Variants in KPNA4 observed in about 807,000 individuals in gnomAD.
KPNA4 encodes the protein karyopherin subunit alpha 4.
Under a neutral mutation model 71.3 loss-of-function variants are expected in KPNA4, and 13 were observed. The ratio of observed to expected loss-of-function variants is 0.18; its 90% CI spans 0.12 to 0.29. The LOEUF is 0.29. Among genes scored for constraint, KPNA4 ranks in the 10% least tolerant of loss-of-function variants. The pLI is 1.00. For missense variants in KPNA4, 334 were observed against 603.2 expected, an observed-to-expected ratio of 0.55 and a Z score of 4.67; for synonymous variants, 189 against 195.2, an observed-to-expected ratio of 0.97 and a Z score of 0.26.
At chr3:160,522,008 T>C in intron 10 of KPNA4, 98 bp from the exon 11 acceptor site, 1 of 941,354 alleles carries the variant, frequency 1.1e-6, no homozygotes. Flanking sequence ...AACTACCTTC[T>C]TCCTTCTTTT....
At position 160,500,644 on chromosome 3, in the gene KPNA4, C is replaced by G. The variant is rs1366712327; in HGVS notation, c.*1460G>C. ...AACTTTTATGCAAGTTTTAAAAATA[C>G]AAAGTTTTCTCCCTAAAGTGGCTCA... is the stretch of plus-strand genomic sequence containing the variant. On this transcript the variant is annotated 3_prime_UTR_variant, in exon 17 of 17. Coordinates refer to ENST00000334256, the MANE Select transcript of KPNA4 (RefSeq NM_002268.5). 2 of 152,494 alleles carry G rather than the reference C, an allele frequency of 1.3e-5. No homozygotes were observed. Among genetic ancestry groups the G allele is most frequent in the African/African-American group, 4.8e-5 (2 of 41,412 alleles). The allele number at this position is 152,494 out of a possible 1,614,324, so 9.4% of individuals were successfully genotyped here. A position where few individuals can be genotyped will look rare whatever the true frequency, so the allele number is the denominator to read the frequency against.
At position 160,535,551 on chromosome 3, in the gene KPNA4, A is replaced by G. The variant is rs759828088; in HGVS notation, c.249T>C (p.Asp83=). 4 of 1,601,352 alleles carry G rather than the reference A, an allele frequency of 2.5e-6. No homozygotes were observed. In the Admixed American group the frequency reaches 6.8e-5, roughly 27 times the overall value. The change falls in exon 5 of 17, where the codon GAT becomes GAC. Residue 83 remains aspartate, a synonymous_variant. Transcript: ENST00000334256. ...LEAIVQNASS[D]NQGIQLSAVQ... ...CTGCACTTAATTGAATTCCTTGGTT[A>G]TCACTTGAAGCATTCTATAAAAAAT...
rs958347446 is a variant in KPNA4 at position 160,495,812 on chromosome 3, T to G, written c.*6292A>C. ...TAGAATACATGATGTTTTATGCAGCTGAACAGGACAACCCTGAAAAGACAA... is the reference window on the plus strand; with the variant it reads ...TAGAATACATGATGTTTTATGCAGCGGAACAGGACAACCCTGAAAAGACAA... On this transcript the variant is annotated 3_prime_UTR_variant, in exon 17 of 17. Transcript: ENST00000334256. 10 of 151,720 alleles carry G rather than the reference T, an allele frequency of 6.6e-5. No homozygotes were observed. Among genetic ancestry groups the G allele is most frequent in the African/African-American group, 2.2e-4 (9 of 41,244 alleles). 9.4% of individuals were successfully genotyped at this position (151,720 alleles called of 1,614,324 possible). A position where few individuals can be genotyped will look rare whatever the true frequency, so the allele number is the denominator to read the frequency against.
At chr3:160,542,823 A>G (rs983714741) in intron 1 of KPNA4, among the ~76,000 whole-genome samples, 1 of 152,180 alleles carries the variant, frequency 6.6e-6, no homozygotes, top group Non-Finnish European at 1.5e-5. Context: ...AAGCTATTGG[A>G]GCAATATTAA....
At chr3:160,506,771 A>AT (rs1442285727) in intron 15 of KPNA4, among the ~76,000 whole-genome samples, 1 of 152,218 alleles carries the variant, frequency 6.6e-6, no homozygotes, top group Non-Finnish European at 1.5e-5. Context: ...TTGTTACTTA[A>AT]TCCCTAATTA....
intron 15 of KPNA4, among the ~76,000 whole-genome samples, chr3:160,506,668 A>T (rs963597874): frequency 2.0e-5 from 3 of 152,188 alleles, no homozygotes; most frequent in Non-Finnish European, 2.9e-5. Flanking sequence ...TTACATTTTT[A>T]CTTGAATGTA....
intron 1 of KPNA4, among the ~76,000 whole-genome samples, chr3:160,554,178 A>G (rs1420686021): frequency 6.6e-6 from 1 of 152,198 alleles, no homozygotes; most frequent in African/African-American, 2.4e-5. Flanking sequence ...TACGTTTTCT[A>G]TTGTTGTTTT....
At position 160,498,227 on chromosome 3, in the gene KPNA4, C is replaced by G. The variant is rs911763577; in HGVS notation, c.*3877G>C. 8.5e-5 allele frequency: 13 copies of G among 152,132 alleles called. No individual in the cohort carries two copies. The highest frequency in any genetic ancestry group is 3.1e-4 in the African/African-American group (13 of 41,418). 9.4% of individuals were successfully genotyped at this position (152,132 alleles called of 1,614,324 possible). ...TATGAAAAACTACCATGTATATACA[C>G]TTTTTGGGGAAGCTGGTCCAGTTTT... On this transcript the variant is annotated 3_prime_UTR_variant, in exon 17 of 17. Coordinates refer to ENST00000334256, the MANE Select transcript of KPNA4 (RefSeq NM_002268.5).
chr3:160,523,725 T>A (rs1384626657), intron 10 of KPNA4, among the ~76,000 whole-genome samples: 1 of 151,830 alleles, frequency 6.6e-6, no homozygotes, highest in Admixed American at 6.6e-5. Flanking sequence ...GTGGCGGGCA[T>A]CTGTAAACCC....
At chr3:160,526,147 T>A (rs757455946) in intron 8 of KPNA4, 40 bp from the exon 9 acceptor site, 1 of 1,394,056 alleles carries the variant, frequency 7.2e-7, no homozygotes, top group African/African-American at 1.5e-5. Context: ...TAAAACATAC[T>A]GACAGTAAGC....
chr3:160,542,613 C>G (rs1721821596), intron 1 of KPNA4, among the ~76,000 whole-genome samples: 1 of 152,114 alleles, frequency 6.6e-6, no homozygotes, highest in Non-Finnish European at 1.5e-5. Flanking sequence ...AATTTTCAAT[C>G]TGTAGATTTA....
intron 12 of KPNA4, chr3:160,515,179 T>C: frequency 1.9e-6 from 1 of 539,656 alleles, no homozygotes; most frequent in Non-Finnish European, 3.6e-6. Flanking sequence ...ATATACATAT[T>C]AAAAATTTCC....
At chr3:160,524,673 A>G (rs1242973925) in intron 10 of KPNA4, among the ~76,000 whole-genome samples, 4 of 152,166 alleles carry the variant, frequency 2.6e-5, no homozygotes, top group Non-Finnish European at 5.9e-5. Flanking sequence ...CAAAATATTG[A>G]AATTCACAAT....
chr3:160,499,859 G>A lies in KPNA4; in HGVS notation c.*2245C>T, dbSNP rs979855354. The stretch of plus-strand genomic sequence containing the variant: ...TGCTTTGTATACAATCCATCATTTG[G>A]AGCTATATGTTGAAGATATAGCAAT... On this transcript the variant is annotated 3_prime_UTR_variant, in exon 17 of 17. Transcript: ENST00000334256. The A allele has an allele frequency of 2.0e-5, 3 of 151,772 alleles. No homozygotes were observed. Among genetic ancestry groups the A allele is most frequent in the Non-Finnish European group, 4.4e-5 (3 of 67,924 alleles). The allele number at this position is 151,772 out of a possible 1,614,324, so 9.4% of individuals were successfully genotyped here.
At chr3:160,556,111 G>A (rs1722131296) in intron 1 of KPNA4, among the ~76,000 whole-genome samples, 1 of 152,258 alleles carries the variant, frequency 6.6e-6, no homozygotes, top group Non-Finnish European at 1.5e-5. Context: ...TGGGATTACA[G>A]GCGTGAGCCA....
intron 3 of KPNA4, 55 bp downstream of exon 3, chr3:160,535,753 T>G: frequency 6.4e-7 from 1 of 1,566,420 alleles, no homozygotes; most frequent in Non-Finnish European, 8.6e-7. Context: ...CTTATTAATG[T>G]GAAATCTTTC....
chr3:160,517,269 G>C (rs1306573994), intron 11 of KPNA4, among the ~76,000 whole-genome samples: 1 of 151,980 alleles, frequency 6.6e-6, no homozygotes, highest in Non-Finnish European at 1.5e-5. Flanking sequence ...GTTGTTAAAA[G>C]TTCGTGTTAC....
At chr3:160,561,472 T>C (rs543499946) in intron 1 of KPNA4, among the ~76,000 whole-genome samples, 1 of 152,178 alleles carries the variant, frequency 6.6e-6, no homozygotes, top group East Asian at 1.9e-4. Flanking sequence ...ATGGTGAATA[T>C]CATCTGATAG....
rs547751988 is a variant in KPNA4, at chr3:160,497,404, T to G, written c.*4700A>C. On this transcript the variant is annotated 3_prime_UTR_variant, in exon 17 of 17. Transcript: ENST00000334256. Reference sequence around the variant, plus strand: ...TCCAGCCTGGGCCACAGAGCGAGACTGTGTCTCAAAAAAATAAAAATAGAA... The same window carrying G: ...TCCAGCCTGGGCCACAGAGCGAGACGGTGTCTCAAAAAAATAAAAATAGAA... The G allele has an allele frequency of 6.6e-6, 1 of 152,172 alleles. No individual in the cohort carries two copies. Among genetic ancestry groups the G allele is most frequent in the Non-Finnish European group, 1.5e-5 (1 of 68,032 alleles). The allele number at this position is 152,172 out of a possible 1,614,324, so 9.4% of individuals were successfully genotyped here. A position where few individuals can be genotyped will look rare whatever the true frequency, so the allele number is the denominator to read the frequency against.
Sources: gnomAD v4.1 joint callset for allele counts (sites outside exome capture counted in the v4.1 genomes callset) on GRCh38, gnomAD v4.1.1 for gene constraint, MANE v1.5 for transcripts, NCBI Gene and HGNC (gene_info 2026-07-23, HGNC 2026-07-21) for gene names.